The following DNAH14 variants were observed in gnomAD, a reference collection of about 807,000 sequenced individuals.
DNAH14 encodes axonemal beta dynein heavy chain 14.
In DNAH14, 478 loss-of-function variants were observed where a neutral mutation model predicts 520.9. That is an observed-to-expected ratio of 0.92 (90% CI 0.85 to 0.99). DNAH14 has a LOEUF of 0.99. DNAH14 is among the 50% of genes least tolerant of loss of function. The pLI is 0.00. For missense variants in DNAH14, 4,831 were observed against 5,234.5 expected (o/e 0.92, Z 2.38); for synonymous variants, 1,581 against 1,757.2 (o/e 0.90, Z 2.51).
chr1:225,068,637 T>C (rs1243143064), intron 17 of DNAH14, among the ~76,000 whole-genome samples: 2 of 152,232 alleles, frequency 1.3e-5, no homozygotes, highest in Non-Finnish European at 2.9e-5. Flanking sequence ...CAGTGGTTTG[T>C]AGTTCTCCTT....
chr1:224,978,933 G>A (rs2501137), intron 8 of DNAH14, among the ~76,000 whole-genome samples: 14,582 of 152,086 alleles, frequency 0.096, 2,257 homozygotes, highest in African/African-American at 0.33. Flanking sequence ...TGGTCACTGT[G>A]GCTGACCCTT....
At chr1:225,291,909 T>A (rs984130743) in intron 55 of DNAH14, among the ~76,000 whole-genome samples, 1 of 152,218 alleles carries the variant, frequency 6.6e-6, no homozygotes, top group Non-Finnish European at 1.5e-5. Flanking sequence ...GCCCATTTTT[T>A]AATCAGGTTT....
At chr1:225,196,947 T>A (rs2149376073) in intron 38 of DNAH14, among the ~76,000 whole-genome samples, 1 of 152,220 alleles carries the variant, frequency 6.6e-6, no homozygotes, top group African/African-American at 2.4e-5. Context: ...TGGATATTAG[T>A]CCTTCATCAA....
At chr1:225,377,109 A>G (rs749927071) in intron 78 of DNAH14, 128 bp from the exon 79 acceptor site, 6 of 787,386 alleles carry the variant, frequency 7.6e-6, no homozygotes, top group Middle Eastern at 7.7e-4. Context: ...CCTTCGGTAT[A>G]AAATTTCATG....
chr1:225,387,564 A>G (rs971183837), intron 81 of DNAH14, among the ~76,000 whole-genome samples: 1 of 152,106 alleles, frequency 6.6e-6, no homozygotes, highest in Non-Finnish European at 1.5e-5. Flanking sequence ...AAGGGAGGGA[A>G]GAAGAGGTGC....
intron 23 of DNAH14, among the ~76,000 whole-genome samples, chr1:225,105,806 A>G (rs1268953378): frequency 6.6e-6 from 1 of 152,044 alleles, no homozygotes; most frequent in Non-Finnish European, 1.5e-5. Flanking sequence ...GGTTTCCTGA[A>G]TACAGCACAC....
intron 21 of DNAH14, among the ~76,000 whole-genome samples, chr1:225,086,356 G>A (rs766582121): frequency 5.3e-5 from 8 of 151,708 alleles, no homozygotes; most frequent in Admixed American, 2.6e-4. Context: ...GGATGGTCTC[G>A]ATCTCCTGAC....
intron 23 of DNAH14, among the ~76,000 whole-genome samples, chr1:225,113,863 C>T (rs1339848032): frequency 1.3e-5 from 2 of 152,084 alleles, no homozygotes; most frequent in Admixed American, 1.3e-4. Context: ...GCTTTGGACT[C>T]ACCCTTGAGG....
At position 224,952,686 on chromosome 1, in the gene DNAH14, TTTG is replaced by T. The variant is rs757394805; in HGVS notation, c.-14_-12del. The T allele has an allele frequency of 1.3e-6, 2 of 1,553,322 alleles. No individual in the cohort carries two copies. On this transcript the variant is annotated 5_prime_UTR_variant, in exon 2 of 86. Coordinates refer to ENST00000682510, the MANE Select transcript of DNAH14 (RefSeq NM_001367479.1). ...TTGTTACAGCCAGTTCCTTTATAGT[TTTG>T]TTCAGAAAAACATATGGAGACGTTT...
At chr1:225,174,999 C>T (rs1394896568) in intron 36 of DNAH14, among the ~76,000 whole-genome samples, 1 of 152,164 alleles carries the variant, frequency 6.6e-6, no homozygotes, top group Non-Finnish European at 1.5e-5. Context: ...ATATGTTGAA[C>T]AATCCTTTCA....
intron 10 of DNAH14, among the ~76,000 whole-genome samples, chr1:225,014,211 G>A (rs968395756): frequency 5.3e-5 from 8 of 152,172 alleles, no homozygotes; most frequent in Non-Finnish European, 8.8e-5. Flanking sequence ...AGCGGAGGGA[G>A]TTCCCTGACC....
chr1:224,962,819 CTTTAT>C (rs1224172206), intron 4 of DNAH14, among the ~76,000 whole-genome samples: 5 of 152,042 alleles, frequency 3.3e-5, no homozygotes, highest in African/African-American at 9.7e-5. Context: ...AAAAAGTGTT[CTTTAT>C]TTTATTTGCT....
intron 38 of DNAH14, among the ~76,000 whole-genome samples, chr1:225,197,147 T>C: frequency 6.6e-6 from 1 of 152,170 alleles, no homozygotes; most frequent in South Asian, 2.1e-4. Context: ...TTTTCAATGA[T>C]ATTTTGTAGA....
intron 11 of DNAH14, among the ~76,000 whole-genome samples, chr1:225,025,540 T>C (rs2066037775): frequency 1.3e-5 from 2 of 151,866 alleles, no homozygotes; most frequent in South Asian, 4.2e-4. Context: ...AAGACCAGTC[T>C]GGGCAACAAA....
chr1:225,110,032 C>T (rs774573523), intron 23 of DNAH14, among the ~76,000 whole-genome samples: 5 of 152,086 alleles, frequency 3.3e-5, no homozygotes, highest in Non-Finnish European at 7.4e-5. Context: ...TGGGATGAAT[C>T]CCACTTGGTC....
chr1:225,285,892 G>A (rs957970130), intron 54 of DNAH14, among the ~76,000 whole-genome samples: 3 of 152,124 alleles, frequency 2.0e-5, no homozygotes, highest in Non-Finnish European at 2.9e-5. Flanking sequence ...CAGTTACCTT[G>A]TTATGGCTGA....
rs370823006 is a variant in DNAH14 at position 225,147,201 on chromosome 1, C to T, written c.4892C>T (p.Ala1631Val). 169 of 1,550,414 alleles carry T rather than the reference C, an allele frequency of 1.1e-4. No homozygotes were observed. Among genetic ancestry groups the T allele is most frequent in the East Asian group, 2.7e-4 (11 of 40,866 alleles). Residue 1631 changes from alanine (A) to valine (V), a missense_variant, in exon 31 of 86, where the codon GCC becomes GTC. Transcript: ENST00000682510. ...GATTTGGAAGTTCTCTCTGTCATTG[C>T]CTCACAGATCCTAACAATTAAGGCT... ...LIDLEVLSVI[A>V]SQILTIKAAK...
chr1:225,304,625 G>A (rs2094204740), intron 57 of DNAH14, among the ~76,000 whole-genome samples: 1 of 152,224 alleles, frequency 6.6e-6, no homozygotes, highest in South Asian at 2.1e-4. Flanking sequence ...TGATACTGAT[G>A]CCCAAATCTT....
chr1:225,340,420 A>G (rs1239811078), intron 68 of DNAH14, 37 bp from the exon 69 acceptor site: 2 of 1,492,162 alleles, frequency 1.3e-6, no homozygotes, highest in East Asian at 5.0e-5. Flanking sequence ...TTTCTTCTAC[A>G]TGTTCTTTGA....
Sources: gnomAD v4.1 joint callset for allele counts (sites outside exome capture counted in the v4.1 genomes callset) on GRCh38, gnomAD v4.1.1 for gene constraint, MANE v1.5 for transcripts, NCBI Gene and HGNC (gene_info 2026-07-23, HGNC 2026-07-21) for gene names.